The following ADAMTSL1 variants were observed in gnomAD, a reference collection of about 807,000 sequenced individuals.
ADAMTSL1 encodes ADAMTS like 1.
Under a neutral mutation model 201.8 loss-of-function variants are expected in ADAMTSL1, and 126 were observed. The observed-to-expected ratio is 0.62, with a 90% confidence interval of 0.54 to 0.72. ADAMTSL1 has a LOEUF of 0.72. Among genes scored for constraint, ADAMTSL1 ranks in the 30% least tolerant of loss-of-function variants. The pLI is 0.00. For missense variants in ADAMTSL1, 2,679 were observed against 2,277.8 expected (o/e 1.18, Z -3.59); for synonymous variants, 1,121 against 903.4 (o/e 1.24, Z -4.32).
At position 18,823,474 on chromosome 9, in the gene ADAMTSL1, T is replaced by A. The variant is rs959388998; in HGVS notation, c.3935-2810T>A. Among the ~76,000 whole-genome samples, 7 of 152,170 alleles carry A rather than the reference T, an allele frequency of 4.6e-5. 1 individual carries two copies. ...GGAATGGAAGAAGCTTGCAAGCCAT[T>A]CCTGGGGGAGTGAGAAATAGCTCCC... is the stretch of plus-strand genomic sequence containing the variant. On this transcript the variant is annotated intron_variant, in intron 21 of 28. Transcript: ENST00000380548.
chr9:18,841,702 T>C (rs1825727536), intron 23 of ADAMTSL1, among the ~76,000 whole-genome samples: 1 of 152,168 alleles, frequency 6.6e-6, no homozygotes, highest in Non-Finnish European at 1.5e-5. Context: ...TTGATTATTG[T>C]CACAATTTCA....
intron 2 of ADAMTSL1, among the ~76,000 whole-genome samples, chr9:18,299,292 A>T (rs1587500041): frequency 6.6e-6 from 1 of 152,026 alleles, no homozygotes; most frequent in East Asian, 1.9e-4. Flanking sequence ...TATAAATTTG[A>T]ACTCCCTCCC....
At position 18,481,658 on chromosome 9, in the gene ADAMTSL1, G is replaced by A. The variant is rs574199784; in HGVS notation, c.63+7363G>A. On this transcript the variant is annotated intron_variant, in intron 1 of 28. Coordinates refer to ENST00000380548, the MANE Select transcript of ADAMTSL1 (RefSeq NM_001040272.6). ...GTTTGTTTAATCCTTTTATCCCTGT[G>A]TAAATGTAAATTATGGCTTTCCATA... Among the ~76,000 whole-genome samples the A allele has an allele frequency of 2.0e-5, 3 of 152,130 alleles. No homozygotes were observed. In the South Asian group the frequency reaches 6.2e-4, roughly 32 times the overall value.
intron 2 of ADAMTSL1, among the ~76,000 whole-genome samples, chr9:18,231,340 A>G (rs1830638383): frequency 6.6e-6 from 1 of 152,272 alleles, no homozygotes; most frequent in African/African-American, 2.4e-5. Context: ...CGAGATCACC[A>G]GTGATTTCCA....
At chr9:18,457,822 C>G (rs554989037) in intron 2 of ADAMTSL1, among the ~76,000 whole-genome samples, 56 of 152,330 alleles carry the variant, frequency 3.7e-4, no homozygotes, top group African/African-American at 1.3e-3. Flanking sequence ...TTGCAGTTTT[C>G]TATATGCATA....
chr9:18,101,658 G>A (rs922302400), intron 1 of ADAMTSL1, among the ~76,000 whole-genome samples: 4 of 152,160 alleles, frequency 2.6e-5, no homozygotes, highest in South Asian at 2.1e-4. Context: ...GAATTTAGAC[G>A]GGAGACAAGG....
chr9:18,070,366 G>T (rs980367259), intron 1 of ADAMTSL1, among the ~76,000 whole-genome samples: 1 of 152,148 alleles, frequency 6.6e-6, no homozygotes, highest in Admixed American at 6.5e-5. Flanking sequence ...GGCAAATGTG[G>T]CTGGCTGGAA....
rs1364019901 is a variant in ADAMTSL1, at chr9:18,675,076, ACTCTGTCTCTAAAC to A, written c.1086-777_1086-764del. ...TATATCTTGTGGATCCTGAGCATTC[ACTCTGTCTCTAAAC>A]CTCACAGGTTTCCCAGGGTCCTAGA... On this transcript the variant is annotated intron_variant, in intron 9 of 28. Transcript: ENST00000380548. Among the ~76,000 whole-genome samples, 3 of 152,002 alleles carry A rather than the reference ACTCTGTCTCTAAAC, an allele frequency of 2.0e-5. No homozygotes were observed. In the East Asian group the frequency reaches 5.8e-4, roughly 29 times the overall value.
At chr9:18,894,345 CTT>C (rs56112949) in intron 26 of ADAMTSL1, among the ~76,000 whole-genome samples, 21 of 123,996 alleles carry the variant, frequency 1.7e-4, no homozygotes, top group Non-Finnish European at 1.9e-4. Flanking sequence ...AAAACCTTGT[CTT>C]TTTTTTTTTT....
chr9:18,225,067 A>G (rs1344384762), intron 2 of ADAMTSL1, among the ~76,000 whole-genome samples: 1 of 152,176 alleles, frequency 6.6e-6, no homozygotes, highest in Non-Finnish European at 1.5e-5. Flanking sequence ...CTGGGATAAA[A>G]TAACCAGACA....
chr9:18,038,602 G>T (rs528052055), intron 1 of ADAMTSL1, among the ~76,000 whole-genome samples: 5 of 152,166 alleles, frequency 3.3e-5, no homozygotes, highest in African/African-American at 1.2e-4. Flanking sequence ...ACAGAAAAGC[G>T]GGAAAACAGA....
chr9:18,701,740 T>G (rs117697602), intron 13 of ADAMTSL1, among the ~76,000 whole-genome samples: 1 of 152,168 alleles, frequency 6.6e-6, no homozygotes, highest in African/African-American at 2.4e-5. Context: ...CAATTTGCAT[T>G]TTTAAATTAG....
intron 2 of ADAMTSL1, among the ~76,000 whole-genome samples, chr9:18,425,551 G>A (rs1286456984): frequency 6.6e-6 from 1 of 152,080 alleles, no homozygotes; most frequent in Non-Finnish European, 1.5e-5. Flanking sequence ...TTCTGTGTGG[G>A]TTTAAAAAAG....
intron 2 of ADAMTSL1, among the ~76,000 whole-genome samples, chr9:18,254,693 T>C (rs1415751188): frequency 8.7e-6 from 1 of 114,570 alleles, no homozygotes; most frequent in Non-Finnish European, 1.6e-5. Context: ...TTAAATACAC[T>C]TTGCAGTAAG....
chr9:18,726,996 T>C (rs578032498), intron 15 of ADAMTSL1, among the ~76,000 whole-genome samples: 1 of 152,156 alleles, frequency 6.6e-6, no homozygotes, highest in Non-Finnish European at 1.5e-5. Flanking sequence ...AAGGAGAGAG[T>C]TAAGAAACAC....
chr9:18,091,979 C>A (rs1404645717), intron 1 of ADAMTSL1, among the ~76,000 whole-genome samples: 1 of 152,062 alleles, frequency 6.6e-6, no homozygotes, highest in East Asian at 1.9e-4. Flanking sequence ...TGATTACATT[C>A]TTTGGGAATG....
chr9:18,729,732 G>A (rs507556), intron 15 of ADAMTSL1, among the ~76,000 whole-genome samples: 39,175 of 152,098 alleles, frequency 0.26, 5,515 homozygotes, highest in Middle Eastern at 0.32. Flanking sequence ...AGCCAAAGCC[G>A]GAGTTTGGGA....
At chr9:18,312,292 A>G (rs997430844) in intron 2 of ADAMTSL1, among the ~76,000 whole-genome samples, 5 of 152,228 alleles carry the variant, frequency 3.3e-5, no homozygotes, top group African/African-American at 1.2e-4. Context: ...ACCACCTGGT[A>G]TATCTAAAAG....
In ADAMTSL1 at chr9:18,887,950, G is replaced by T. The variant is rs1335724281; in HGVS notation, c.4369G>T (p.Ala1457Ser). ...ILAAGQILQV[A>S]NLSGGSQGEF... ...GGCAGCTGGACAGATCCTTCAAGTT[G>T]CAAACCTTAGCGGTGGGTCTCAAGG... is the stretch of plus-strand genomic sequence containing the variant. The change falls in exon 24 of 29, where the codon GCA (alanine) becomes TCA (serine). Residue 1457 changes from alanine (A) to serine (S), a missense_variant. Coordinates refer to ENST00000380548, the MANE Select transcript of ADAMTSL1 (RefSeq NM_001040272.6). The T allele has an allele frequency of 6.2e-7, 1 of 1,613,974 alleles. No homozygotes were observed. Among genetic ancestry groups the T allele is most frequent in the East Asian group, 2.2e-5 (1 of 44,880 alleles).
Sources: gnomAD v4.1 joint callset for allele counts (sites outside exome capture counted in the v4.1 genomes callset) on GRCh38, gnomAD v4.1.1 for gene constraint, MANE v1.5 for transcripts, NCBI Gene and HGNC (gene_info 2026-07-23, HGNC 2026-07-21) for gene names.